The following LZTFL1 variants were observed in gnomAD, a reference collection of about 807,000 sequenced individuals.
LZTFL1 encodes leucine zipper transcription factor like 1, also known as leucine zipper transcription factor-like protein 1.
LZTFL1 carries 25 observed loss-of-function variants against 45.9 expected under a neutral mutation model. The observed-to-expected ratio is 0.54, with a 90% confidence interval of 0.40 to 0.76. The LOEUF is 0.76. LZTFL1 is among the 30% of genes least tolerant of loss of function. The pLI is 0.00. For synonymous variants in LZTFL1, 93 were observed against 117.4 expected, an observed-to-expected ratio of 0.79 and a Z score of 1.35; for missense variants, 277 against 331.1, an observed-to-expected ratio of 0.84 and a Z score of 1.27.
intron 2 of LZTFL1, among the ~76,000 whole-genome samples, chr3:45,905,926 C>T (rs1476762968): frequency 1.3e-5 from 2 of 152,158 alleles, no homozygotes; most frequent in African/African-American, 2.4e-5. Flanking sequence ...AAATGCTGGT[C>T]GACTCTCCAA....
At chr3:45,878,468 G>A (rs954900184) in intron 2 of LZTFL1, among the ~76,000 whole-genome samples, 1 of 152,154 alleles carries the variant, frequency 6.6e-6, no homozygotes, top group African/African-American at 2.4e-5. Context: ...GACAGGGCAG[G>A]GGTTGGCGCT....
intron 7 of LZTFL1, among the ~76,000 whole-genome samples, 184 bp downstream of exon 7, chr3:45,830,729 G>C (rs1159950989): frequency 6.6e-6 from 1 of 152,208 alleles, no homozygotes; most frequent in African/African-American, 2.4e-5. Context: ...ATGGACAGAG[G>C]GAAGGTCACT....
Position 45,897,463 on chromosome 3 carries a change from TG to T in LZTFL1, c.-215+15656del, listed in dbSNP as rs1013975600. On this transcript the variant is annotated intron_variant, in intron 2 of 4. Transcript: ENST00000472635. ...AATGTCCTTGTCTGGGATTCAGTCT[TG>T]GGAGTGTTAGCTGTGCCTGCTCACC... The T allele has an allele frequency of 3.9e-5, 30 of 760,194 alleles. No individual in the cohort carries two copies. The African/African-American group carries it at 5.0e-4, about 13-fold the overall frequency. 47.1% of individuals were successfully genotyped at this position (760,194 alleles called of 1,614,324 possible).
At chr3:45,836,211 C>T (rs751551745) in intron 2 of LZTFL1, among the ~76,000 whole-genome samples, 5 of 152,070 alleles carry the variant, frequency 3.3e-5, no homozygotes, top group African/African-American at 4.8e-5. Flanking sequence ...GGTTAGTAAA[C>T]GTCTATGGGA....
At chr3:45,835,300 C>T in intron 3 of LZTFL1, 1 of 333,338 alleles carries the variant, frequency 3.0e-6, no homozygotes, top group Non-Finnish European at 5.6e-6. Flanking sequence ...GATGGTAATA[C>T]TGACCAAGCT....
chr3:45,874,268 G>C (rs190472419), intron 2 of LZTFL1, among the ~76,000 whole-genome samples: 1 of 152,224 alleles, frequency 6.6e-6, no homozygotes, highest in Admixed American at 6.5e-5. Context: ...AAAAATCTGC[G>C]TGCTTCCAGT....
chr3:45,913,586 A>G (rs1019193621), intron 1 of LZTFL1, among the ~76,000 whole-genome samples: 1 of 152,234 alleles, frequency 6.6e-6, no homozygotes, highest in Non-Finnish European at 1.5e-5. Context: ...GTCATGTAAT[A>G]CAAAAATATC....
intron 2 of LZTFL1, among the ~76,000 whole-genome samples, chr3:45,866,684 G>C (rs1701582548): frequency 6.6e-6 from 1 of 152,178 alleles, no homozygotes; most frequent in Admixed American, 6.5e-5. Context: ...TACAGTAATT[G>C]ATTTTAGACT....
At chr3:45,847,318 T>C (rs1701233233) in intron 4 of LZTFL1, among the ~76,000 whole-genome samples, 1 of 152,188 alleles carries the variant, frequency 6.6e-6, no homozygotes, top group African/African-American at 2.4e-5. Flanking sequence ...AAAGATGACA[T>C]CTGCAGTGGT....
intron 2 of LZTFL1, among the ~76,000 whole-genome samples, chr3:45,888,637 G>A (rs186714919): frequency 1.3e-5 from 2 of 152,272 alleles, no homozygotes; most frequent in Admixed American, 1.3e-4. Flanking sequence ...ATCCACTCCC[G>A]ACAGACCGCT....
chr3:45,850,425 A>G (rs1446849825), intron 4 of LZTFL1, among the ~76,000 whole-genome samples: 1 of 151,778 alleles, frequency 6.6e-6, no homozygotes. Context: ...TCACTCTCAC[A>G]CCTCCTCCCC....
At chr3:45,877,213 AC>A (rs764683395) in intron 2 of LZTFL1, among the ~76,000 whole-genome samples, 15 of 149,188 alleles carry the variant, frequency 1.0e-4, no homozygotes, top group Non-Finnish European at 1.8e-4. Flanking sequence ...GTGCTGCTTC[AC>A]CTTTTTCACA....
chr3:45,829,277 A>T (rs1447647216), intron 7 of LZTFL1, among the ~76,000 whole-genome samples: 1 of 152,182 alleles, frequency 6.6e-6, no homozygotes, highest in African/African-American at 2.4e-5. Flanking sequence ...TAAGACAGTA[A>T]AATGGTCTAC....
In LZTFL1 at chr3:45,877,027, T is replaced by C. The variant is rs139159082; in HGVS notation, c.-214-18011A>G. On this transcript the variant is annotated intron_variant, in intron 2 of 4. Transcript: ENST00000472635. ...TCTCTATCTTAGGTCATCTCAAACA[T>C]AGGGCAAGGGAAGGCTTCCTCAATG... Among the ~76,000 whole-genome samples, 713 of 151,964 alleles carry C rather than the reference T, an allele frequency of 4.7e-3. 4 individuals are homozygous for C. The highest frequency in any genetic ancestry group is 0.016 in the African/African-American group (655 of 41,400).
At chr3:45,893,418 G>A (rs1304908112) in intron 2 of LZTFL1, among the ~76,000 whole-genome samples, 1 of 152,124 alleles carries the variant, frequency 6.6e-6, no homozygotes. Context: ...GCCTCCCAAA[G>A]TGCTGGGATT....
At chr3:45,841,741 G>A in intron 1 of LZTFL1, 5 of 587,990 alleles carry the variant, frequency 8.5e-6, no homozygotes. Flanking sequence ...GCAGGCAGGA[G>A]AGAAACGAAG....
chr3:45,899,297 A>C (rs1454284767), intron 2 of LZTFL1, among the ~76,000 whole-genome samples: 2 of 152,372 alleles, frequency 1.3e-5, no homozygotes, highest in Non-Finnish European at 2.9e-5. Context: ...TTAGTGTTCC[A>C]CCTAAAACAT....
Position 45,901,241 on chromosome 3 carries a change from C to T in LZTFL1, c.-215+11879G>A. 1 of 1,614,136 alleles carries T rather than the reference C, an allele frequency of 6.2e-7. No homozygotes were observed. The highest frequency in any genetic ancestry group is 8.5e-7 in the Non-Finnish European group (1 of 1,180,006). On this transcript the variant is annotated intron_variant, in intron 2 of 4. Coordinates refer to the LZTFL1 transcript ENST00000472635. This position sits in a 1 kb window ranked among gnomAD's most constrained non-coding sequence, Gnocchi z 4.3. ...ACAGGTACATTGCCATTGCCCAGGC[C>T]ATGAGAGCACATACTTGGAGGGAGA...
At chr3:45,862,632 G>A (rs1701509210) in intron 2 of LZTFL1, among the ~76,000 whole-genome samples, 1 of 152,202 alleles carries the variant, frequency 6.6e-6, no homozygotes, top group African/African-American at 2.4e-5. Context: ...TCTGTTTTGT[G>A]GGAAAGAAAT....
Sources: allele counts gnomAD v4.1 joint callset (sites outside exome capture counted in the v4.1 genomes callset), GRCh38; gene constraint gnomAD v4.1.1; non-coding constraint Gnocchi (gnomAD v3.1); transcripts MANE v1.5; gene names NCBI Gene and HGNC (gene_info 2026-07-23, HGNC 2026-07-21).